ROR2: variants seen among roughly 807,000 people sequenced by gnomAD.
The protein encoded by ROR2 is ROR family WNT receptor 2, also known as tyrosine-protein kinase transmembrane receptor ROR2.
In ROR2, 33 loss-of-function variants were observed where a neutral mutation model predicts 74.9. The observed-to-expected ratio is 0.44, with a 90% CI of 0.33 to 0.59. The LOEUF is 0.59. Ranked by LOEUF, ROR2 falls within the 20% of genes least tolerant of loss-of-function variation. The pLI is 0.02. For synonymous variants in ROR2, 586 were observed against 558.7 expected, an observed-to-expected ratio of 1.05 and a Z score of -0.69; for missense variants, 1,216 against 1,313.8, an observed-to-expected ratio of 0.93 and a Z score of 1.15.
chr9:91,802,722 A>ACGAGGTGCGCAGAAAGC (rs1402944909), intron 1 of ROR2, among the ~76,000 whole-genome samples: 3 of 152,144 alleles, frequency 2.0e-5, no homozygotes, highest in South Asian at 4.1e-4. Context: ...CTGCAGTGGC[A>ACGAGGTGCGCAGAAAGC]CGAGGTGCGC....
intron 1 of ROR2, among the ~76,000 whole-genome samples, chr9:91,917,375 T>C (rs1336374999): frequency 1.3e-5 from 2 of 152,068 alleles, no homozygotes; most frequent in African/African-American, 2.4e-5. Context: ...AGAAAGAGAC[T>C]GGAGTTCATG....
At chr9:91,766,166 G>T (rs1380846242) in intron 2 of ROR2, among the ~76,000 whole-genome samples, 1 of 152,218 alleles carries the variant, frequency 6.6e-6, no homozygotes, top group Non-Finnish European at 1.5e-5. Context: ...GTCCACATGT[G>T]TGCCACGGCC....
intron 1 of ROR2, among the ~76,000 whole-genome samples, chr9:91,898,437 T>C (rs1830592862): frequency 1.3e-5 from 2 of 152,274 alleles, no homozygotes; most frequent in African/African-American, 4.8e-5. Context: ...AGATACTAAA[T>C]GATCTGCCCA....
In ROR2 at chr9:91,724,595, G is replaced by A; in HGVS notation, c.1899C>T (p.Asp633=). The A allele has an allele frequency of 6.2e-7, 1 of 1,614,096 alleles. No individual in the cohort carries two copies. The highest frequency in any genetic ancestry group is 8.5e-7 in the Non-Finnish European group (1 of 1,180,008). ...VYDKLNVKIS[D]LGLFREVYAA... ...CATACACCTCTCGGAAGAGGCCCAA[G>A]TCTGAGATCTTCACGTTCAGCTTGT... Residue 633 remains aspartate (D), a synonymous_variant, in exon 9 of 9, where the codon GAC becomes GAT. Coordinates refer to ENST00000375708, the MANE Select transcript of ROR2 (RefSeq NM_004560.4).
chr9:91,812,562 C>T (rs908137076), intron 1 of ROR2, among the ~76,000 whole-genome samples: 2 of 147,368 alleles, frequency 1.4e-5, no homozygotes, highest in Non-Finnish European at 1.5e-5. Flanking sequence ...CTCCCCGCCC[C>T]ACCCCCCCCA....
intron 1 of ROR2, among the ~76,000 whole-genome samples, chr9:91,933,023 G>T (rs1831590264): frequency 6.6e-6 from 1 of 152,148 alleles, no homozygotes; most frequent in Non-Finnish European, 1.5e-5. Flanking sequence ...CATAGGCCAA[G>T]CACAGTGGCC....
At chr9:91,841,842 T>A (rs1018822068) in intron 1 of ROR2, among the ~76,000 whole-genome samples, 3 of 152,238 alleles carry the variant, frequency 2.0e-5, no homozygotes, top group African/African-American at 7.2e-5. Context: ...TAATGGCACC[T>A]CAACTGCCAG....
rs188116495 is a variant in ROR2, at chr9:91,828,544, T to C, written c.98-52726A>G. ...GCCTGGCCAACATGGCAAAACCCGA[T>C]CTCCACTAAAAATACAAAAATTAGC... On this transcript the variant is annotated intron_variant, in intron 1 of 8. Transcript: ENST00000375708. Among the ~76,000 whole-genome samples the C allele has an allele frequency of 2.1e-3, 317 of 152,208 alleles. 1 individual carries two copies. The highest frequency in any genetic ancestry group is 7.2e-3 in the African/African-American group (297 of 41,526).
At chr9:91,745,884 G>A (rs1825396073) in intron 4 of ROR2, among the ~76,000 whole-genome samples, 3 of 151,982 alleles carry the variant, frequency 2.0e-5, no homozygotes. Flanking sequence ...GTATTTTCTA[G>A]AAAACAGAAC....
Position 91,723,708 on chromosome 9 carries a change from C to G in ROR2, c.2786G>C (p.Cys929Ser), listed in dbSNP as rs371866105. 6.2e-7 allele frequency: 1 copy of G among 1,613,904 alleles called. No individual in the cohort carries two copies. Among genetic ancestry groups the G allele is most frequent in the African/African-American group, 1.3e-5 (1 of 74,946 alleles). Residue 929 changes from cysteine to serine, a missense_variant, in exon 9 of 9, where the codon TGT becomes TCT. Physicochemically the swap from Cys to Ser is moderately radical, Grantham distance 112. Transcript: ENST00000375708. Reference protein sequence around the residue: ...SVPETELLGDCDTLQVDEAQV... With the variant: ...SVPETELLGDSDTLQVDEAQV... ...GGCCTCGTCCACCTGCAGAGTGTCA[C>G]AGTCCCCCAGCAGCTCAGTCTCTGG...
At chr9:91,872,872 C>T (rs576282557) in intron 1 of ROR2, among the ~76,000 whole-genome samples, 10 of 152,162 alleles carry the variant, frequency 6.6e-5, no homozygotes, top group Admixed American at 1.3e-4. Flanking sequence ...GTGTGTTTTG[C>T]ATCAATCTAT....
intron 1 of ROR2, among the ~76,000 whole-genome samples, chr9:91,833,595 T>C (rs1358785995): frequency 6.6e-6 from 1 of 152,072 alleles, no homozygotes; most frequent in Non-Finnish European, 1.5e-5. Context: ...CATCCCTCAA[T>C]GACCCCCTAT....
chr9:91,918,647 T>C (rs968237983), intron 1 of ROR2, among the ~76,000 whole-genome samples: 1 of 152,238 alleles, frequency 6.6e-6, no homozygotes, highest in Non-Finnish European at 1.5e-5. Flanking sequence ...ATAGTAGTGA[T>C]GGTTATACGA....
chr9:91,734,916 GCAGTTA>G (rs1289029658), intron 5 of ROR2, among the ~76,000 whole-genome samples: 8 of 152,152 alleles, frequency 5.3e-5, no homozygotes. Context: ...GAGAGGGCAA[GCAGTTA>G]CAGTACAGGA....
chr9:91,747,623 G>A (rs930426420), intron 4 of ROR2, among the ~76,000 whole-genome samples: 2 of 152,236 alleles, frequency 1.3e-5, no homozygotes, highest in Non-Finnish European at 2.9e-5. Flanking sequence ...CAAAAGAGGT[G>A]TCACTGATTG....
intron 1 of ROR2, among the ~76,000 whole-genome samples, chr9:91,847,555 G>C (rs1828968021): frequency 6.6e-6 from 1 of 152,246 alleles, no homozygotes; most frequent in Non-Finnish European, 1.5e-5. Flanking sequence ...GCAGGAGCCA[G>C]CTCATACAGC....
chr9:91,732,494 G>A (rs1189719621), intron 6 of ROR2, among the ~76,000 whole-genome samples: 1 of 152,162 alleles, frequency 6.6e-6, no homozygotes, highest in Non-Finnish European at 1.5e-5. Flanking sequence ...TAGGCCCCAC[G>A]ATTCAGGGAC....
intron 5 of ROR2, among the ~76,000 whole-genome samples, chr9:91,735,842 T>C (rs1171669595): frequency 6.6e-6 from 1 of 151,966 alleles, no homozygotes; most frequent in Non-Finnish European, 1.5e-5. Flanking sequence ...GGTCTTGAAC[T>C]CCTGACCTCG....
At chr9:91,827,194 C>T (rs1269753065) in intron 1 of ROR2, among the ~76,000 whole-genome samples, 1 of 152,134 alleles carries the variant, frequency 6.6e-6, no homozygotes, top group African/African-American at 2.4e-5. Context: ...GAACCCAATT[C>T]TTCTATGTAG....
Sources: gnomAD v4.1 joint callset for allele counts (sites outside exome capture counted in the v4.1 genomes callset) on GRCh38, gnomAD v4.1.1 for gene constraint, MANE v1.5 for transcripts, NCBI Gene and HGNC (gene_info 2026-07-23, HGNC 2026-07-21) for gene names.